The following BICDL1 variants were observed in gnomAD, a reference collection of about 807,000 sequenced individuals.
BICDL1 encodes BICD family like cargo adaptor 1, also known as BICD family-like cargo adapter 1.
A neutral mutation model predicts 76.8 loss-of-function variants in BICDL1; 20 were observed. The ratio of observed to expected loss-of-function variants is 0.26; its 90% confidence interval spans 0.18 to 0.38. The LOEUF is 0.38. BICDL1 is among the 10% of genes least tolerant of loss of function. BICDL1 has a pLI of 1.00. For synonymous variants in BICDL1, 383 were observed against 337.1 expected, an observed-to-expected ratio of 1.14 and a Z score of -1.49; for missense variants, 700 against 798.6, an observed-to-expected ratio of 0.88 and a Z score of 1.49.
intron 2 of BICDL1, among the ~76,000 whole-genome samples, chr12:120,001,626 C>T (rs1035963384): frequency 6.6e-6 from 1 of 152,192 alleles, no homozygotes; most frequent in Non-Finnish European, 1.5e-5. Flanking sequence ...TACAGTATTT[C>T]TTTGATACCT....
At chr12:119,994,261 T>A (rs924679088) in intron 1 of BICDL1, among the ~76,000 whole-genome samples, 2 of 152,178 alleles carry the variant, frequency 1.3e-5, no homozygotes, top group African/African-American at 4.8e-5. Context: ...GAATACATAA[T>A]GGGAGTCACT....
At chr12:120,020,913 A>C (rs1952165789) in intron 2 of BICDL1, among the ~76,000 whole-genome samples, 1 of 152,184 alleles carries the variant, frequency 6.6e-6, no homozygotes, top group African/African-American at 2.4e-5. Flanking sequence ...GGCTTTAGAC[A>C]GGCCTTGTGC....
Position 120,059,358 on chromosome 12 carries a change from C to T in BICDL1, c.646-2352C>T, listed in dbSNP as rs961405108. Among the ~76,000 whole-genome samples, 5 of 152,304 alleles carry T rather than the reference C, an allele frequency of 3.3e-5. No homozygotes were observed. In the East Asian group the frequency reaches 9.7e-4, roughly 29 times the overall value. ...AATCTCAACTCACTGCAACCTCCAC[C>T]TCCCGTGTCCCAGTTCAAGCAATTC... On this transcript the variant is annotated intron_variant, in intron 2 of 9. Coordinates refer to ENST00000548673, the MANE Select transcript of BICDL1 (RefSeq NM_001367886.1).
At chr12:120,091,256 C>G (rs977171010) in intron 9 of BICDL1, 2 of 1,135,746 alleles carry the variant, frequency 1.8e-6, no homozygotes, top group African/African-American at 3.2e-5. Context: ...GATGGCTGTT[C>G]CATCCACTGA....
intron 2 of BICDL1, among the ~76,000 whole-genome samples, chr12:120,014,238 A>G (rs1051744577): frequency 2.6e-5 from 4 of 152,258 alleles, no homozygotes; most frequent in African/African-American, 4.8e-5. Context: ...GGAGCCCTAC[A>G]TAGAACCTAC....
At chr12:120,039,324 C>T (rs1223572204) in intron 2 of BICDL1, among the ~76,000 whole-genome samples, 2 of 146,726 alleles carry the variant, frequency 1.4e-5, no homozygotes, top group African/African-American at 5.0e-5. Context: ...AAAACAAGAA[C>T]TGAGAGCTGG....
Position 120,038,073 on chromosome 12 carries a change from A to G in BICDL1, c.646-23637A>G, listed in dbSNP as rs118075470. On this transcript the variant is annotated intron_variant, in intron 2 of 9. Transcript: ENST00000548673. ...TTGAAGCCCTGGGTAGACAGAGGCC[A>G]GATTCTTCATGCATTGCTCATGTCC... Among the ~76,000 whole-genome samples the G allele has an allele frequency of 3.7e-3, 564 of 152,332 alleles. 3 individuals are homozygous for G. The highest frequency in any genetic ancestry group is 0.022 in the South Asian group (106 of 4,832).
At chr12:120,092,226 A>G in intron 9 of BICDL1, 5 of 985,406 alleles carry the variant, frequency 5.1e-6, no homozygotes, top group African/African-American at 1.7e-5. Flanking sequence ...AGGCTTCTCT[A>G]TGGGAAAGGC....
intron 2 of BICDL1, among the ~76,000 whole-genome samples, chr12:120,032,745 A>C (rs1454670770): frequency 8.0e-6 from 1 of 124,486 alleles, no homozygotes; most frequent in Admixed American, 8.2e-5. Flanking sequence ...TACATCTATA[A>C]TTTTTTTTTT....
At chr12:119,998,872 C>T (rs1052059264) in intron 2 of BICDL1, 136 bp downstream of exon 2, 2 of 751,170 alleles carry the variant, frequency 2.7e-6, no homozygotes, top group African/African-American at 3.6e-5. Context: ...CTGGGCAACA[C>T]AGGGAGACCT....
In BICDL1 at chr12:120,052,986, G is replaced by A. The variant is rs111753123; in HGVS notation, c.646-8724G>A. On this transcript the variant is annotated intron_variant, in intron 2 of 9. Coordinates refer to ENST00000548673, the MANE Select transcript of BICDL1 (RefSeq NM_001367886.1). Reference sequence around the variant, plus strand: ...GTAGAGGTGGGGTTTCACCATGTTGGCCAGGCTGGTCTCAAACTCCTGACC... The same window carrying A: ...GTAGAGGTGGGGTTTCACCATGTTGACCAGGCTGGTCTCAAACTCCTGACC... Among the ~76,000 whole-genome samples the A allele has an allele frequency of 9.9e-4, 151 of 152,224 alleles. 1 individual carries two copies. Among genetic ancestry groups the A allele is most frequent in the African/African-American group, 3.4e-3 (142 of 41,530 alleles).
intron 1 of BICDL1, among the ~76,000 whole-genome samples, chr12:119,993,856 T>A (rs1951580133): frequency 6.6e-6 from 1 of 152,182 alleles, no homozygotes; most frequent in South Asian, 2.1e-4. Context: ...CCTCAGGTGA[T>A]CCTCCCGCCT....
intron 2 of BICDL1, among the ~76,000 whole-genome samples, chr12:120,017,060 C>T (rs1164398328): frequency 6.6e-6 from 1 of 152,072 alleles, no homozygotes; most frequent in Non-Finnish European, 1.5e-5. Context: ...CCACACCCGG[C>T]TAATTTTTTG....
Position 120,074,600 on chromosome 12 carries a change from C to T in BICDL1, c.1452+14C>T, listed in dbSNP as rs1873391175. The T allele has an allele frequency of 8.3e-7, 1 of 1,199,446 alleles. No homozygotes were observed. The highest frequency in any genetic ancestry group is 6.7e-5 in the East Asian group (1 of 14,870). 74.3% of individuals were successfully genotyped at this position (1,199,446 alleles called of 1,614,324 possible). On this transcript the variant is annotated intron_variant, in intron 7 of 9. Coordinates refer to ENST00000548673, the MANE Select transcript of BICDL1 (RefSeq NM_001367886.1). ...CTCCACAGTCAGGTGAGCACCCCAA[C>T]CTTCAGTTCAGTGCAGGGCATGTGC...
chr12:120,072,558 C>T lies in BICDL1; in HGVS notation c.1137C>T (p.Cys379=). Residue 379 remains cysteine (C), a synonymous_variant, in exon 6 of 10, where the codon TGC becomes TGT. Coordinates refer to ENST00000548673, the MANE Select transcript of BICDL1 (RefSeq NM_001367886.1). ...CCTACTGCCAGGTTCGCTATCTGTG[C>T]TCACACCTTCGAGGCAATGACAGTG... is the stretch of plus-strand genomic sequence containing the variant. ...WEAYCQVRYL[C]SHLRGNDSAD... 1 of 1,614,216 alleles carries T rather than the reference C, an allele frequency of 6.2e-7. No homozygotes were observed. Among genetic ancestry groups the T allele is most frequent in the South Asian group, 1.1e-5 (1 of 91,088 alleles).
At chr12:120,083,746 A>G (rs1355277791) in intron 8 of BICDL1, among the ~76,000 whole-genome samples, 1 of 151,222 alleles carries the variant, frequency 6.6e-6, no homozygotes, top group Non-Finnish European at 1.5e-5. Flanking sequence ...TGCAACCCCC[A>G]CCTCCCAGGT....
At position 119,989,817 on chromosome 12, in the gene BICDL1, C is replaced by A; in HGVS notation, c.-52C>A. 9.9e-7 allele frequency: 1 copy of A among 1,013,160 alleles called. No homozygotes were observed. Among genetic ancestry groups the A allele is most frequent in the Non-Finnish European group, 1.2e-6 (1 of 828,208 alleles). The allele number at this position is 1,013,160 out of a possible 1,614,324, so 62.8% of individuals were successfully genotyped here. ...GCGGCAGGGCCCCTCCCCCCTGCAG[C>A]CTGGCGCGCGCGGGCCGGGCCGCAC... On this transcript the variant is annotated 5_prime_UTR_variant, in exon 1 of 10. Coordinates refer to ENST00000548673, the MANE Select transcript of BICDL1 (RefSeq NM_001367886.1).
intron 2 of BICDL1, among the ~76,000 whole-genome samples, chr12:120,037,042 GTGT>G (rs1952542914): frequency 6.6e-6 from 1 of 152,308 alleles, no homozygotes; most frequent in South Asian, 2.1e-4. Flanking sequence ...ATGTGTTTCT[GTGT>G]TGTTGCTTTT....
chr12:119,999,816 A>C (rs1951724963), intron 2 of BICDL1: 2 of 443,182 alleles, frequency 4.5e-6, no homozygotes, highest in Non-Finnish European at 8.9e-6. Flanking sequence ...TATTGAAAAT[A>C]AAACTACCAA....
Sources: allele counts gnomAD v4.1 joint callset (sites outside exome capture counted in the v4.1 genomes callset), GRCh38; gene constraint gnomAD v4.1.1; transcripts MANE v1.5; gene names NCBI Gene and HGNC (gene_info 2026-07-23, HGNC 2026-07-21).